GABRB2: variants seen among roughly 807,000 people sequenced by gnomAD.
GABRB2 encodes gamma-aminobutyric acid receptor subunit beta-2.
Under a neutral mutation model 54.7 loss-of-function variants are expected in GABRB2, and 16 were observed. The observed-to-expected ratio is 0.29, with a 90% CI of 0.20 to 0.44. GABRB2 has a LOEUF of 0.44. Among genes scored for constraint, GABRB2 ranks in the 20% least tolerant of loss-of-function variants. GABRB2 has a pLI of 1.00. For synonymous variants in GABRB2, 244 were observed against 233.8 expected, an observed-to-expected ratio of 1.04 and a Z score of -0.40; for missense variants, 355 against 644.0, an observed-to-expected ratio of 0.55 and a Z score of 4.86.
At chr5:161,308,481 C>T (rs1212557567) in intron 9 of GABRB2, among the ~76,000 whole-genome samples, 3 of 152,174 alleles carry the variant, frequency 2.0e-5, no homozygotes, top group Non-Finnish European at 2.9e-5. Flanking sequence ...CATGGATATT[C>T]TTCTCAGAAC....
At chr5:161,437,119 G>GACTGAGAGAGGGTATGTGACAT (rs1757334252) in intron 4 of GABRB2, among the ~76,000 whole-genome samples, 2 of 152,114 alleles carry the variant, frequency 1.3e-5, no homozygotes, top group African/African-American at 2.4e-5. Flanking sequence ...AGAGACAGTG[G>GACTGAGAGAGGGTATGTGACAT]ACTGAGAGAG....
intron 5 of GABRB2, among the ~76,000 whole-genome samples, chr5:161,344,406 G>A (rs1005097868): frequency 1.3e-5 from 2 of 152,020 alleles, no homozygotes; most frequent in Non-Finnish European, 2.9e-5. Flanking sequence ...ACTGCACTCT[G>A]GCATTGGATT....
At chr5:161,545,933 C>T (rs557789853) in intron 2 of GABRB2, among the ~76,000 whole-genome samples, 1 of 152,314 alleles carries the variant, frequency 6.6e-6, no homozygotes, top group East Asian at 1.9e-4. Context: ...AACGCCACCT[C>T]TCAACCAACT....
chr5:161,334,984 C>A (rs1753950249), intron 6 of GABRB2, 80 bp from the exon 7 acceptor site: 2 of 1,359,340 alleles, frequency 1.5e-6, no homozygotes, highest in African/African-American at 1.4e-5. Context: ...ATAAACAGTA[C>A]CTCTTCTCTC....
intron 4 of GABRB2, among the ~76,000 whole-genome samples, chr5:161,458,617 G>C (rs1015518735): frequency 2.0e-5 from 3 of 152,180 alleles, no homozygotes; most frequent in Non-Finnish European, 4.4e-5. Flanking sequence ...TCTGAACTTG[G>C]AACAGGGTTT....
chr5:161,304,948 T>C (rs1019492649), intron 9 of GABRB2, among the ~76,000 whole-genome samples: 2 of 151,582 alleles, frequency 1.3e-5, no homozygotes, highest in African/African-American at 4.8e-5. Flanking sequence ...GGGATCAGAT[T>C]GAAAACACCT....
intron 3 of GABRB2, among the ~76,000 whole-genome samples, chr5:161,464,329 A>G (rs1758214188): frequency 6.6e-6 from 1 of 152,116 alleles, no homozygotes; most frequent in South Asian, 2.1e-4. Flanking sequence ...AAATAAGTTT[A>G]TAAAATGATG....
chr5:161,348,444 G>A (rs956824500), intron 5 of GABRB2, among the ~76,000 whole-genome samples: 4 of 151,856 alleles, frequency 2.6e-5, no homozygotes, highest in African/African-American at 7.2e-5. Context: ...ATTTATTTTC[G>A]AAATACCTTA....
chr5:161,308,908 C>A (rs1440774487), intron 9 of GABRB2, among the ~76,000 whole-genome samples: 3 of 151,968 alleles, frequency 2.0e-5, no homozygotes, highest in Non-Finnish European at 4.4e-5. Flanking sequence ...TGATAAAAAC[C>A]CAGAAAACAA....
intron 5 of GABRB2, among the ~76,000 whole-genome samples, chr5:161,403,224 T>C (rs1756254910): frequency 1.3e-5 from 2 of 152,134 alleles, no homozygotes; most frequent in South Asian, 4.1e-4. Context: ...CTCTGGGCAT[T>C]TCTATAAATA....
chr5:161,386,375 T>C (rs556207833), intron 5 of GABRB2, among the ~76,000 whole-genome samples: 1 of 152,232 alleles, frequency 6.6e-6, no homozygotes, highest in African/African-American at 2.4e-5. Flanking sequence ...TGATATGCTA[T>C]AAATGTAGAC....
chr5:161,479,796 G>C (rs965997389), intron 3 of GABRB2, among the ~76,000 whole-genome samples: 1 of 151,848 alleles, frequency 6.6e-6, no homozygotes, highest in South Asian at 2.1e-4. Flanking sequence ...CACCATGTTG[G>C]TCAGGCTGGT....
At chr5:161,487,888 G>A (rs73800520) in intron 3 of GABRB2, among the ~76,000 whole-genome samples, 2,655 of 151,876 alleles carry the variant, frequency 0.017, 87 homozygotes, top group African/African-American at 0.061. Context: ...CCATGAGTTC[G>A]AAGAAGAGTT....
intron 5 of GABRB2, among the ~76,000 whole-genome samples, chr5:161,390,535 C>T (rs918310647): frequency 7.9e-5 from 12 of 152,112 alleles, no homozygotes; most frequent in Admixed American, 1.3e-4. Context: ...AAAGACTAGT[C>T]TAGTTAATAA....
intron 9 of GABRB2, among the ~76,000 whole-genome samples, chr5:161,314,613 A>C (rs549807961): frequency 6.6e-6 from 1 of 152,262 alleles, no homozygotes; most frequent in African/African-American, 2.4e-5. Flanking sequence ...AAATGGTAAT[A>C]AAAAATTAAT....
chr5:161,500,680 A>T (rs185779310), intron 3 of GABRB2, among the ~76,000 whole-genome samples: 184 of 152,266 alleles, frequency 1.2e-3, no homozygotes, highest in African/African-American at 4.3e-3. Context: ...TGAAAGTAAA[A>T]ATCCATTTCA....
chr5:161,406,099 C>T (rs1476495812), intron 5 of GABRB2, among the ~76,000 whole-genome samples: 1 of 152,002 alleles, frequency 6.6e-6, no homozygotes, highest in Admixed American at 6.6e-5. Flanking sequence ...TAGATGACCA[C>T]CAGGGTTGAT....
At chr5:161,320,451 C>A (rs1758178199) in intron 9 of GABRB2, among the ~76,000 whole-genome samples, 1 of 151,652 alleles carries the variant, frequency 6.6e-6, no homozygotes, top group African/African-American at 2.4e-5. Context: ...TCATTTCCTC[C>A]TTTGATTTCC....
intron 3 of GABRB2, among the ~76,000 whole-genome samples, chr5:161,515,181 A>C (rs906636039): frequency 6.6e-6 from 1 of 152,188 alleles, no homozygotes; most frequent in Non-Finnish European, 1.5e-5. Flanking sequence ...TTTCATTAAA[A>C]TATCCCTTCT....
Sources: gnomAD v4.1 joint callset for allele counts (sites outside exome capture counted in the v4.1 genomes callset) on GRCh38, gnomAD v4.1.1 for gene constraint, MANE v1.5 for transcripts, NCBI Gene and HGNC (gene_info 2026-07-23, HGNC 2026-07-21) for gene names.